FTO: variants seen among roughly 807,000 people sequenced by gnomAD.
The protein encoded by FTO is alpha-ketoglutarate-dependent dioxygenase FTO.
FTO carries 47 observed loss-of-function variants against 63.9 expected under a neutral mutation model. That is an observed-to-expected ratio of 0.74 (90% CI 0.58 to 0.94). The LOEUF (loss-of-function observed/expected upper bound fraction) is 0.94, where lower values mean the gene tolerates loss of function less well. Ranked by LOEUF, FTO falls within the 40% of genes least tolerant of loss-of-function variation. The pLI is 0.00. For synonymous variants in FTO, 207 were observed against 224.4 expected, an observed-to-expected ratio of 0.92 and a Z score of 0.69; for missense variants, 562 against 618.1, an observed-to-expected ratio of 0.91 and a Z score of 0.96.
intron 8 of FTO, among the ~76,000 whole-genome samples, chr16:53,996,226 T>C (rs892764817): frequency 5.3e-5 from 8 of 152,116 alleles, no homozygotes; most frequent in Non-Finnish European, 1.2e-4. Context: ...TGACGGTTGG[T>C]TTTTTGCTGC....
At chr16:53,943,913 T>C (rs569764525) in intron 8 of FTO, among the ~76,000 whole-genome samples, 1 of 152,322 alleles carries the variant, frequency 6.6e-6, no homozygotes, top group African/African-American at 2.4e-5. Context: ...GTGGTTCCCA[T>C]TTACTTTTCC....
intron 1 of FTO, among the ~76,000 whole-genome samples, chr16:53,760,644 T>C (rs1227214066): frequency 8.0e-6 from 1 of 125,492 alleles, no homozygotes; most frequent in Non-Finnish European, 1.8e-5. Flanking sequence ...TTTTTTTTCC[T>C]GAGACTGAGT....
chr16:53,816,963 T>C (rs2078709981), intron 2 of FTO, among the ~76,000 whole-genome samples: 1 of 152,170 alleles, frequency 6.6e-6, no homozygotes, highest in Non-Finnish European at 1.5e-5. Flanking sequence ...TTTTCCAGCT[T>C]TTCCTTCCCA....
At chr16:53,773,627 T>G (rs959558433) in intron 1 of FTO, among the ~76,000 whole-genome samples, 5 of 152,168 alleles carry the variant, frequency 3.3e-5, no homozygotes, top group African/African-American at 1.2e-4. Flanking sequence ...GGATTGTACA[T>G]TCTGTGGAGA....
chr16:53,970,590 C>CAAAAA (rs750908676), intron 8 of FTO, among the ~76,000 whole-genome samples: 2 of 65,276 alleles, frequency 3.1e-5, no homozygotes, highest in African/African-American at 5.2e-5. Flanking sequence ...GACTCCATCT[C>CAAAAA]AAAAAAAAAA....
At chr16:53,787,244 A>G (rs1438128498) in intron 1 of FTO, among the ~76,000 whole-genome samples, 1 of 151,616 alleles carries the variant, frequency 6.6e-6, no homozygotes, top group African/African-American at 2.4e-5. Flanking sequence ...GAGTAGCACT[A>G]TCTATCACCT....
intron 8 of FTO, among the ~76,000 whole-genome samples, chr16:54,015,265 C>T (rs1386855424): frequency 1.3e-5 from 2 of 152,142 alleles, no homozygotes; most frequent in African/African-American, 2.4e-5. Flanking sequence ...AATTGTGTTT[C>T]ATGTAAAGTA....
intron 8 of FTO, among the ~76,000 whole-genome samples, chr16:54,030,224 A>G (rs1366739145): frequency 1.3e-5 from 2 of 152,232 alleles, no homozygotes; most frequent in African/African-American, 4.8e-5. Flanking sequence ...TAGTTCTAGA[A>G]TTCTGTCTAC....
intron 3 of FTO, among the ~76,000 whole-genome samples, chr16:53,831,460 G>GA (rs1271079608): frequency 1.3e-5 from 2 of 151,470 alleles, no homozygotes; most frequent in South Asian, 2.1e-4. Flanking sequence ...GACCAAAGGG[G>GA]GGGAAAAAAC....
rs73614138 is a variant in FTO, at chr16:53,948,545, C to T, written c.1364+14436C>T. Among the ~76,000 whole-genome samples, 1,317 of 152,312 alleles carry T rather than the reference C, an allele frequency of 8.6e-3. 15 individuals are homozygous for T. The highest frequency in any genetic ancestry group is 0.03 in the African/African-American group (1,232 of 41,568). On this transcript the variant is annotated intron_variant, in intron 8 of 8. Transcript: ENST00000471389. ...GATTGTCTTCTGGTCTCCTGGCCAG[C>T]GGACATTCACACTTTGTCTCAAGTG...
chr16:53,792,476 T>C (rs562898317), intron 1 of FTO, among the ~76,000 whole-genome samples: 3 of 152,222 alleles, frequency 2.0e-5, no homozygotes, highest in African/African-American at 4.8e-5. Context: ...AGGTCACTTA[T>C]AGTGACTTTA....
intron 8 of FTO, among the ~76,000 whole-genome samples, chr16:54,023,929 T>G (rs2084657006): frequency 6.6e-6 from 1 of 152,226 alleles, no homozygotes; most frequent in African/African-American, 2.4e-5. Context: ...GCTTTTTTAT[T>G]TAATGCTACA....
At chr16:53,710,744 G>GGT (rs2151464127) in intron 1 of FTO, among the ~76,000 whole-genome samples, 1 of 152,264 alleles carries the variant, frequency 6.6e-6, no homozygotes, top group South Asian at 2.1e-4. Flanking sequence ...TAAAGATCTG[G>GGT]GTGTCTGACT....
intron 1 of FTO, among the ~76,000 whole-genome samples, chr16:53,800,811 C>G (rs1202083574): frequency 6.6e-6 from 1 of 151,904 alleles, no homozygotes; most frequent in Non-Finnish European, 1.5e-5. Flanking sequence ...ATTAGTATTA[C>G]TGGGTAAATT....
chr16:54,058,192 T>G lies in FTO; in HGVS notation c.1365-53570T>G, dbSNP rs541424658. Among the ~76,000 whole-genome samples, 4 of 152,118 alleles carry G rather than the reference T, an allele frequency of 2.6e-5. No individual in the cohort carries two copies. In the East Asian group the frequency reaches 5.8e-4, roughly 22 times the overall value. On this transcript the variant is annotated intron_variant, in intron 8 of 8. Coordinates refer to ENST00000471389, the MANE Select transcript of FTO (RefSeq NM_001080432.3). ...GACACAATCTCAGCCCACTGAAACCTCCGCCGCCTCCAGGGTTCAGGTGAT... is the reference window on the plus strand; with the variant it reads ...GACACAATCTCAGCCCACTGAAACCGCCGCCGCCTCCAGGGTTCAGGTGAT...
chr16:53,705,226 C>G (rs527889140), intron 1 of FTO, among the ~76,000 whole-genome samples: 1 of 152,276 alleles, frequency 6.6e-6, no homozygotes, highest in African/African-American at 2.4e-5. Context: ...ATGTCCCTTT[C>G]CTTTCTCCTT....
chr16:53,819,747 C>T (rs989975232), intron 2 of FTO, among the ~76,000 whole-genome samples: 1 of 152,018 alleles, frequency 6.6e-6, no homozygotes, highest in East Asian at 1.9e-4. Context: ...ATAAAATGCA[C>T]GTTTTGAAAT....
At chr16:53,795,684 G>A (rs2078046099) in intron 1 of FTO, among the ~76,000 whole-genome samples, 1 of 152,104 alleles carries the variant, frequency 6.6e-6, no homozygotes, top group African/African-American at 2.4e-5. Flanking sequence ...ATATTGAGTA[G>A]TATCATCATG....
At chr16:54,034,948 T>G (rs1176675831) in intron 8 of FTO, among the ~76,000 whole-genome samples, 1 of 152,240 alleles carries the variant, frequency 6.6e-6, no homozygotes, top group African/African-American at 2.4e-5. Context: ...CCTTCCAAAC[T>G]AATGATGTAT....
Sources: allele counts gnomAD v4.1 joint callset (sites outside exome capture counted in the v4.1 genomes callset), GRCh38; gene constraint gnomAD v4.1.1; transcripts MANE v1.5; gene names NCBI Gene and HGNC (gene_info 2026-07-23, HGNC 2026-07-21).